The following EYS variants were observed in gnomAD, a reference collection of about 807,000 sequenced individuals.
EYS encodes protein eyes shut homolog.
EYS carries 250 observed loss-of-function variants against 282.1 expected under a neutral mutation model. That is an observed-to-expected ratio of 0.89 (90% CI 0.80 to 0.98). The LOEUF is 0.98. Ranked by LOEUF, EYS falls within the 50% of genes least tolerant of loss-of-function variation. The probability of loss-of-function intolerance (pLI) is 0.00; values close to 1 mark genes in which losing one functional copy is unlikely to be tolerated. For missense variants in EYS, 4,016 were observed against 3,709.0 expected (o/e 1.08, Z -2.15); for synonymous variants, 1,355 against 1,282.9 (o/e 1.06, Z -1.20).
intron 22 of EYS, among the ~76,000 whole-genome samples, chr6:64,691,618 G>A (rs934555710): frequency 3.3e-5 from 5 of 152,020 alleles, no homozygotes; most frequent in Non-Finnish European, 7.4e-5. Flanking sequence ...AGTGAGCATA[G>A]TACCCTATAG....
At chr6:65,399,029 AC>A (rs1562151782) in intron 7 of EYS, among the ~76,000 whole-genome samples, 1 of 151,974 alleles carries the variant, frequency 6.6e-6, no homozygotes, top group Non-Finnish European at 1.5e-5. Flanking sequence ...CTTAATTACC[AC>A]CATCGCGAGT....
chr6:65,604,968 T>C (rs2149791955), intron 2 of EYS, among the ~76,000 whole-genome samples: 1 of 150,888 alleles, frequency 6.6e-6, no homozygotes, highest in Admixed American at 6.7e-5. Flanking sequence ...CTTAGTTTCC[T>C]GAATAGTTGG....
chr6:63,863,910 G>A (rs1005181454), intron 36 of EYS, among the ~76,000 whole-genome samples: 5 of 152,034 alleles, frequency 3.3e-5, no homozygotes, highest in African/African-American at 7.2e-5. Context: ...TTCTGACCTC[G>A]TGATCCACCC....
chr6:64,875,237 G>A (rs1435740965), intron 19 of EYS, among the ~76,000 whole-genome samples: 1 of 152,072 alleles, frequency 6.6e-6, no homozygotes, highest in East Asian at 1.9e-4. Context: ...GTGTGTGTGT[G>A]TGTGCTGAGG....
chr6:64,669,526 G>A (rs1319102443), intron 22 of EYS, among the ~76,000 whole-genome samples: 1 of 152,156 alleles, frequency 6.6e-6, no homozygotes, highest in Admixed American at 6.5e-5. Context: ...GGGGCTTTGA[G>A]AAGTGATTAC....
intron 22 of EYS, among the ~76,000 whole-genome samples, chr6:64,641,666 T>A (rs1468105363): frequency 6.6e-6 from 1 of 152,174 alleles, no homozygotes; most frequent in Middle Eastern, 3.2e-3. Context: ...GGCAGAGGTC[T>A]CCAACACCCA....
At chr6:65,091,349 C>T (rs1774557524) in intron 12 of EYS, among the ~76,000 whole-genome samples, 2 of 149,010 alleles carry the variant, frequency 1.3e-5, no homozygotes, top group South Asian at 4.3e-4. Context: ...ACTCAGGAGA[C>T]TGAGGCAGGA....
At chr6:64,384,428 A>G (rs772878793) in intron 29 of EYS, among the ~76,000 whole-genome samples, 3 of 152,194 alleles carry the variant, frequency 2.0e-5, no homozygotes, top group Non-Finnish European at 4.4e-5. Flanking sequence ...TTTCAATCCT[A>G]GTGACTTACT....
At chr6:65,290,596 T>C (rs1331091028) in intron 12 of EYS, among the ~76,000 whole-genome samples, 1 of 151,346 alleles carries the variant, frequency 6.6e-6, no homozygotes, top group Non-Finnish European at 1.5e-5. Context: ...TATCTCACTT[T>C]ATTTAAAACA....
At chr6:65,106,136 A>G (rs188529143) in intron 12 of EYS, among the ~76,000 whole-genome samples, 3,314 of 152,042 alleles carry the variant, frequency 0.022, 80 homozygotes, top group African/African-American at 0.061. Context: ...GACACAAAGA[A>G]ACTCTTACGC....
chr6:64,976,383 C>T (rs1770475619), intron 14 of EYS, among the ~76,000 whole-genome samples: 1 of 150,644 alleles, frequency 6.6e-6, no homozygotes. Context: ...AAAAAAAAAA[C>T]ATGAACTAAG....
chr6:64,860,225 C>T (rs1766192607), intron 19 of EYS, among the ~76,000 whole-genome samples: 1 of 152,324 alleles, frequency 6.6e-6, no homozygotes, highest in East Asian at 1.9e-4. Context: ...CTTGGGCTGT[C>T]ACTTTGCCAG....
At chr6:64,299,254 A>T (rs923079381) in intron 30 of EYS, among the ~76,000 whole-genome samples, 7 of 152,240 alleles carry the variant, frequency 4.6e-5, no homozygotes, top group Admixed American at 2.0e-4. Context: ...GAGGGTGACC[A>T]GATTAATTAC....
intron 2 of EYS, among the ~76,000 whole-genome samples, chr6:65,549,517 T>G (rs6937478): frequency 0.55 from 83,431 of 151,824 alleles, 22,954 homozygotes; most frequent in East Asian, 0.71. Context: ...TTGTAGCTGT[T>G]TAGTTGCTAT....
At chr6:64,208,737 G>A (rs978641997) in intron 31 of EYS, among the ~76,000 whole-genome samples, 3 of 151,984 alleles carry the variant, frequency 2.0e-5, no homozygotes, top group African/African-American at 7.2e-5. Context: ...TTGAATGTAA[G>A]TATATTATTA....
intron 22 of EYS, among the ~76,000 whole-genome samples, chr6:64,802,084 A>G (rs1172022350): frequency 2.6e-5 from 3 of 117,022 alleles, no homozygotes; most frequent in African/African-American, 1.0e-4. Context: ...CCCAGCCTGG[A>G]GTGCAGTAGC....
intron 7 of EYS, among the ~76,000 whole-genome samples, chr6:65,392,459 TCAAA>T (rs1166599436): frequency 6.6e-6 from 1 of 151,990 alleles, no homozygotes; most frequent in Admixed American, 6.5e-5. Context: ...TACAATGAAC[TCAAA>T]CAAATTTACA....
chr6:65,531,602 G>A (rs1006852698), intron 2 of EYS, among the ~76,000 whole-genome samples: 5 of 152,038 alleles, frequency 3.3e-5, no homozygotes, highest in Non-Finnish European at 2.9e-5. Context: ...AAATGGATAG[G>A]GAGATCCCTA....
chr6:65,011,369 T>C (rs916364192), intron 13 of EYS, among the ~76,000 whole-genome samples: 13 of 152,200 alleles, frequency 8.5e-5, no homozygotes, highest in Non-Finnish European at 1.6e-4. Flanking sequence ...TTTAACCTCC[T>C]TGTTAAGTTT....
Sources: allele counts gnomAD v4.1 joint callset (sites outside exome capture counted in the v4.1 genomes callset), GRCh38; gene constraint gnomAD v4.1.1; transcripts MANE v1.5; gene names NCBI Gene and HGNC (gene_info 2026-07-23, HGNC 2026-07-21).